Variants in SFXN5 observed in about 807,000 individuals in gnomAD.
SFXN5 encodes sideroflexin 5.
In SFXN5, 43 loss-of-function variants were observed where a neutral mutation model predicts 50.2. The ratio of observed to expected loss-of-function variants is 0.86; its 90% CI spans 0.67 to 1.11. The LOEUF (loss-of-function observed/expected upper bound fraction) is 1.11, where lower values mean the gene tolerates loss of function less well. Among genes scored for constraint, SFXN5 ranks in the 50% least tolerant of loss-of-function variants. The probability of loss-of-function intolerance (pLI) is 0.00; values close to 1 mark genes in which losing one functional copy is unlikely to be tolerated. For synonymous variants in SFXN5, 203 were observed against 185.8 expected, an observed-to-expected ratio of 1.09 and a Z score of -0.75; for missense variants, 463 against 454.1, an observed-to-expected ratio of 1.02 and a Z score of -0.18.
At chr2:72,972,970 C>T (rs533535716) in intron 10 of SFXN5, among the ~76,000 whole-genome samples, 31 of 151,794 alleles carry the variant, frequency 2.0e-4, no homozygotes, top group Admixed American at 1.6e-3. Flanking sequence ...AGTGGGCAGG[C>T]GGAGTGGGAG....
At chr2:72,980,236 T>G (rs1383132004) in intron 10 of SFXN5, among the ~76,000 whole-genome samples, 4 of 152,034 alleles carry the variant, frequency 2.6e-5, no homozygotes, top group Non-Finnish European at 4.4e-5. Context: ...GTAAGTCTCC[T>G]TCCCAACCCT....
rs563570188 is a variant in SFXN5, at chr2:73,010,443, G to C, written c.358-8865C>G. On this transcript the variant is annotated intron_variant, in intron 6 of 13. Transcript: ENST00000272433. ...GGCTATGGGGTGACTTTTTACAATA[G>C]AAGCCAGTACTGAAAATGGTGGTGT... 1.6e-4 allele frequency among the ~76,000 whole-genome samples: 25 copies of C among 152,338 alleles called. 1 individual carries two copies. The East Asian group carries it at 4.8e-3, about 29-fold the overall frequency.
intron 2 of SFXN5, among the ~76,000 whole-genome samples, chr2:73,056,350 C>G (rs1227786135): frequency 1.3e-5 from 2 of 151,098 alleles, no homozygotes; most frequent in African/African-American, 4.9e-5. Context: ...CCATTACACT[C>G]CAGCCTGGGG....
At chr2:73,010,652 T>C (rs1191426192) in intron 6 of SFXN5, among the ~76,000 whole-genome samples, 1 of 152,210 alleles carries the variant, frequency 6.6e-6, no homozygotes, top group Non-Finnish European at 1.5e-5. Context: ...AAAACCACAA[T>C]AAATCCCAAA....
At chr2:73,012,862 T>C (rs926993904) in intron 6 of SFXN5, among the ~76,000 whole-genome samples, 1 of 152,124 alleles carries the variant, frequency 6.6e-6, no homozygotes, top group Non-Finnish European at 1.5e-5. Context: ...TCTCCTCCTA[T>C]GTGGGTAGCG....
At chr2:72,964,213 T>C (rs1674106060) in intron 12 of SFXN5, among the ~76,000 whole-genome samples, 1 of 152,184 alleles carries the variant, frequency 6.6e-6, no homozygotes, top group Non-Finnish European at 1.5e-5. Context: ...GAGCGCAGTT[T>C]TAGTTTGCAC....
chr2:73,015,807 C>T (rs1308732039), intron 6 of SFXN5, among the ~76,000 whole-genome samples: 2 of 152,042 alleles, frequency 1.3e-5, no homozygotes, highest in Non-Finnish European at 2.9e-5. Flanking sequence ...TGTGATGGCT[C>T]ATGCCTGTAA....
In SFXN5 at chr2:72,945,696, C is replaced by G. The variant is rs113181730; in HGVS notation, c.946-597G>C. On this transcript the variant is annotated intron_variant, in intron 13 of 13. Coordinates refer to ENST00000272433, the MANE Select transcript of SFXN5 (RefSeq NM_144579.3). The surrounding 1 kb of genome is among the most constrained non-coding windows in gnomAD (Gnocchi z 5.8). ...CTCCCTAGCCCAAGGGTCCCTCCCACGCTGCTGGCAGAAGCCCTGCTTCGG... is the reference window on the plus strand; with the variant it reads ...CTCCCTAGCCCAAGGGTCCCTCCCAGGCTGCTGGCAGAAGCCCTGCTTCGG... Among the ~76,000 whole-genome samples the G allele has an allele frequency of 3.9e-3, 587 of 152,246 alleles. 5 individuals are homozygous for G. Among genetic ancestry groups the G allele is most frequent in the African/African-American group, 0.011 (446 of 41,550 alleles).
intron 6 of SFXN5, among the ~76,000 whole-genome samples, chr2:73,002,191 G>A (rs1441038572): frequency 6.6e-6 from 1 of 152,172 alleles, no homozygotes; most frequent in African/African-American, 2.4e-5. Context: ...GCAACTGAAT[G>A]AAACATAGAT....
rs182057957 is a variant in SFXN5 at position 73,048,799 on chromosome 2, C to T, written c.172-7868G>A. On this transcript the variant is annotated intron_variant, in intron 2 of 13. Transcript: ENST00000272433. ...AAATCTCACTGTACTTCTCTTAATT[C>T]CTTTGGATAAATTTCTGGAAGTGAG... Among the ~76,000 whole-genome samples the T allele has an allele frequency of 1.1e-3, 173 of 152,252 alleles. 2 individuals carry two copies. The highest frequency in any genetic ancestry group is 5.7e-4 in the Non-Finnish European group (39 of 68,020).
chr2:73,062,833 G>A (rs2106053622), intron 1 of SFXN5, among the ~76,000 whole-genome samples: 1 of 152,222 alleles, frequency 6.6e-6, no homozygotes, highest in African/African-American at 2.4e-5. Context: ...AGAGGAGCTG[G>A]GACCAAGGGA....
chr2:73,001,463 T>C, intron 7 of SFXN5, 62 bp downstream of exon 7: 2 of 1,573,598 alleles, frequency 1.3e-6, no homozygotes, highest in Admixed American at 1.7e-5. Flanking sequence ...CAGCAGGGAG[T>C]TCTTAACCAG....
At chr2:72,946,451 G>A (rs1671939568) in intron 13 of SFXN5, among the ~76,000 whole-genome samples, 1 of 152,100 alleles carries the variant, frequency 6.6e-6, no homozygotes, top group Admixed American at 6.6e-5. Flanking sequence ...ATGCTCCTCG[G>A]GGTCCTTGGG....
At chr2:72,967,785 C>T (rs565773033) in intron 12 of SFXN5, among the ~76,000 whole-genome samples, 123 of 152,278 alleles carry the variant, frequency 8.1e-4, no homozygotes, top group African/African-American at 2.4e-3. Context: ...TCCCAGGGCC[C>T]GCCCTCTCTG....
chr2:73,059,936 T>C (rs766092216), intron 1 of SFXN5: 212 of 900,340 alleles, frequency 2.4e-4, no homozygotes, highest in Admixed American at 3.1e-4. Flanking sequence ...GTTAAATAAA[T>C]GATGGTCCAT....
chr2:73,064,224 C>T (rs1029254196), intron 1 of SFXN5, among the ~76,000 whole-genome samples: 1 of 152,264 alleles, frequency 6.6e-6, no homozygotes, highest in African/African-American at 2.4e-5. Flanking sequence ...CAAATTACTG[C>T]TCTTCGATTA....
At chr2:72,983,794 C>T (rs1189395681) in intron 10 of SFXN5, among the ~76,000 whole-genome samples, 2 of 152,210 alleles carry the variant, frequency 1.3e-5, no homozygotes, top group African/African-American at 4.8e-5. Flanking sequence ...GGCCCTCCTT[C>T]CTGCTGGTAA....
At chr2:73,012,144 C>A (rs1675580068) in intron 6 of SFXN5, among the ~76,000 whole-genome samples, 1 of 152,136 alleles carries the variant, frequency 6.6e-6, no homozygotes, top group African/African-American at 2.4e-5. Flanking sequence ...CAAAAAAACA[C>A]TTTAAATGAC....
chr2:72,947,313 G>A (rs185868789), intron 13 of SFXN5, among the ~76,000 whole-genome samples: 64 of 152,352 alleles, frequency 4.2e-4, no homozygotes, highest in Middle Eastern at 6.8e-3. Context: ...ACTGGAAGAC[G>A]GGGTTCCCCT....
Sources: allele counts gnomAD v4.1 joint callset (sites outside exome capture counted in the v4.1 genomes callset), GRCh38; gene constraint gnomAD v4.1.1; non-coding constraint Gnocchi (gnomAD v3.1); transcripts MANE v1.5; gene names NCBI Gene and HGNC (gene_info 2026-07-23, HGNC 2026-07-21).